Variants in PHF24 observed in about 807,000 individuals in gnomAD.
PHF24 encodes Galpha inhibitory interacting protein.
A neutral mutation model predicts 42.6 loss-of-function variants in PHF24; 25 were observed. The observed-to-expected ratio is 0.59, with a 90% CI of 0.43 to 0.82. The LOEUF (loss-of-function observed/expected upper bound fraction) is 0.82, where lower values mean the gene tolerates loss of function less well. Among genes scored for constraint, PHF24 ranks in the 40% least tolerant of loss-of-function variants. The pLI, the probability that PHF24 is intolerant of heterozygous loss-of-function variation, is 0.00. For synonymous variants in PHF24, 185 were observed against 204.8 expected (o/e 0.90, Z 0.83); for missense variants, 470 against 538.1 (o/e 0.87, Z 1.25).
chr9:34,778,346 A>G, the PHF24 span, among the ~76,000 whole-genome samples: 1 of 152,224 alleles, frequency 6.6e-6, no homozygotes. Context: ...TTGGGTTACA[A>G]AAATGAGATC....
chr9:34,671,008 G>A, the PHF24 span, among the ~76,000 whole-genome samples: 2 of 152,178 alleles, frequency 1.3e-5, no homozygotes, highest in Non-Finnish European at 2.9e-5. Context: ...TTCTTTGGAA[G>A]CAGGTTCAGC....
At chr9:34,684,417 G>A in the PHF24 span, among the ~76,000 whole-genome samples, 11 of 152,300 alleles carry the variant, frequency 7.2e-5, no homozygotes, top group African/African-American at 2.2e-4. Context: ...AGCCATTTAC[G>A]TAGACTACAG....
chr9:34,907,611 T>C, the PHF24 span, among the ~76,000 whole-genome samples: 1 of 152,184 alleles, frequency 6.6e-6, no homozygotes, highest in Admixed American at 6.5e-5. Flanking sequence ...AGATACTCCT[T>C]TCCTGTAATA....
chr9:34,700,722 G>C, the PHF24 span, among the ~76,000 whole-genome samples: 2 of 152,134 alleles, frequency 1.3e-5, no homozygotes, highest in Admixed American at 6.5e-5. Flanking sequence ...GAGACAATGA[G>C]GTCACCAAGA....
the PHF24 span, among the ~76,000 whole-genome samples, chr9:34,675,304 G>A: frequency 2.0e-5 from 3 of 152,174 alleles, no homozygotes; most frequent in East Asian, 1.9e-4. Flanking sequence ...TCTAGCATAC[G>A]GGGAAAATGG....
chr9:34,917,719 C>T, the PHF24 span: 14,592 of 799,038 alleles, frequency 0.018, 182 homozygotes, highest in African/African-American at 0.032. Context: ...CTCATTACAG[C>T]GCCTGCTTGT....
At chr9:34,710,185 T>C in the PHF24 span, 1 of 750,304 alleles carries the variant, frequency 1.3e-6, no homozygotes, top group East Asian at 2.7e-5. Flanking sequence ...CACTTTCACT[T>C]CCCTTAACTT....
the PHF24 span, among the ~76,000 whole-genome samples, chr9:34,925,977 G>A: frequency 1.3e-5 from 2 of 152,214 alleles, no homozygotes; most frequent in African/African-American, 4.8e-5. Context: ...CTGGGGTGTT[G>A]GTTCATGGGG....
chr9:34,872,178 A>C, the PHF24 span, among the ~76,000 whole-genome samples: 3 of 147,850 alleles, frequency 2.0e-5, no homozygotes, highest in Admixed American at 2.0e-4. Context: ...ACAGCAATTT[A>C]TTTTTATTTT....
the PHF24 span, among the ~76,000 whole-genome samples, chr9:34,776,173 A>T: frequency 6.6e-6 from 1 of 152,194 alleles, no homozygotes; most frequent in Non-Finnish European, 1.5e-5. Flanking sequence ...AATTTTGGTG[A>T]TGGTTGCAAA....
At chr9:34,832,314 TG>T in the PHF24 span, 1 of 620,262 alleles carries the variant, frequency 1.6e-6, no homozygotes, top group South Asian at 2.0e-5. Flanking sequence ...GTGCCCTGGT[TG>T]GGGGGCACAA....
At chr9:34,888,349 T>C in the PHF24 span, among the ~76,000 whole-genome samples, 22 of 152,324 alleles carry the variant, frequency 1.4e-4, no homozygotes, top group East Asian at 3.5e-3. Context: ...GTGCCTGGCA[T>C]AGTGCCTGCC....
At chr9:34,727,003 A>T in the PHF24 span, 1 of 1,541,650 alleles carries the variant, frequency 6.5e-7, no homozygotes, top group Non-Finnish European at 8.8e-7. Flanking sequence ...GAAGGGAAAC[A>T]CGGCAAAATT....
At chr9:34,706,788 G>A in the PHF24 span, among the ~76,000 whole-genome samples, 1 of 152,098 alleles carries the variant, frequency 6.6e-6, no homozygotes, top group Admixed American at 6.5e-5. Context: ...ATGTCCTGAT[G>A]TCAAAGGGAG....
At chr9:34,978,367 G>C (rs932671784) in exon 8 of PHF24, 1 of 512,008 alleles carries the variant, frequency 2.0e-6, no homozygotes, top group South Asian at 2.4e-5. Flanking sequence ...CATCATAGAC[G>C]GGACCTGCCA....
the PHF24 span, among the ~76,000 whole-genome samples, chr9:34,765,213 A>G: frequency 1.3e-5 from 2 of 152,148 alleles, no homozygotes; most frequent in Middle Eastern, 3.4e-3. Context: ...ATGTCTATTA[A>G]GTCCGCTTGG....
At chr9:34,741,629 T>C in the PHF24 span, among the ~76,000 whole-genome samples, 2 of 152,216 alleles carry the variant, frequency 1.3e-5, no homozygotes, top group African/African-American at 4.8e-5. Flanking sequence ...CCCAAAGTGC[T>C]GGGATTATAG....
At chr9:34,676,296 G>T in the PHF24 span, among the ~76,000 whole-genome samples, 1 of 152,210 alleles carries the variant, frequency 6.6e-6, no homozygotes, top group Non-Finnish European at 1.5e-5. Context: ...GGCCAAGGCA[G>T]GTGGATCACT....
the PHF24 span, among the ~76,000 whole-genome samples, chr9:34,860,629 T>A: frequency 1.2e-4 from 18 of 152,136 alleles, no homozygotes; most frequent in Non-Finnish European, 4.4e-5. Context: ...AGAGTTCACA[T>A]GCTCTTGATT....
Sources: gnomAD v4.1 joint callset for allele counts (sites outside exome capture counted in the v4.1 genomes callset) on GRCh38, gnomAD v4.1.1 for gene constraint, MANE v1.5 for transcripts, NCBI Gene and HGNC (gene_info 2026-07-23, HGNC 2026-07-21) for gene names.